Variants in ISCA1 observed in about 807,000 individuals in gnomAD.
ISCA1 encodes the protein iron-sulfur cluster assembly 1 homolog, mitochondrial.
In ISCA1, 9 loss-of-function variants were observed where a neutral mutation model predicts 14.7. The observed-to-expected ratio is 0.61, with a 90% CI of 0.37 to 1.07. The LOEUF (loss-of-function observed/expected upper bound fraction) is 1.07, where lower values mean the gene tolerates loss of function less well. Ranked by LOEUF, ISCA1 falls within the 50% of genes least tolerant of loss-of-function variation. The pLI, the probability that ISCA1 is intolerant of heterozygous loss-of-function variation, is 0.01. For synonymous variants in ISCA1, 38 were observed against 54.3 expected (o/e 0.70, Z 1.32); for missense variants, 102 against 150.1 (o/e 0.68, Z 1.67).
At chr9:86,275,006 G>A (rs772396175) in intron 1 of ISCA1, among the ~76,000 whole-genome samples, 1 of 152,106 alleles carries the variant, frequency 6.6e-6, no homozygotes, top group Admixed American at 6.6e-5. Flanking sequence ...CACTTCTTTG[G>A]GAAGGAGACT....
intron 3 of ISCA1, among the ~76,000 whole-genome samples, chr9:86,268,225 G>A (rs1278530268): frequency 1.3e-5 from 2 of 152,206 alleles, no homozygotes; most frequent in South Asian, 2.1e-4. Flanking sequence ...GCCCCTGACG[G>A]CCTTCCAATG....
chr9:86,274,017 T>C (rs1041200315), intron 2 of ISCA1, among the ~76,000 whole-genome samples, 172 bp downstream of exon 2: 7 of 152,244 alleles, frequency 4.6e-5, no homozygotes, highest in African/African-American at 1.4e-4. Flanking sequence ...AAAGAATGAC[T>C]TCCTTTTAGT....
intron 1 of ISCA1, among the ~76,000 whole-genome samples, chr9:86,276,896 A>AAT (rs1825444855): frequency 6.8e-6 from 1 of 147,184 alleles, no homozygotes; most frequent in Non-Finnish European, 1.5e-5. Flanking sequence ...AAAAAAAAAA[A>AAT]GGCATAGCCA....
chr9:86,282,290 G>C, intron 1 of ISCA1, 88 bp downstream of exon 1: 1 of 1,396,302 alleles, frequency 7.2e-7, no homozygotes, highest in Non-Finnish European at 9.6e-7. Context: ...GCGTCCCTGC[G>C]GCCCCACTCC....
intron 1 of ISCA1, among the ~76,000 whole-genome samples, chr9:86,275,943 T>A (rs1282012398): frequency 6.6e-6 from 1 of 152,222 alleles, no homozygotes; most frequent in East Asian, 1.9e-4. Flanking sequence ...TGGTCCCAAA[T>A]GTTTTTGGCA....
intron 3 of ISCA1, among the ~76,000 whole-genome samples, chr9:86,266,499 A>G (rs1825294309): frequency 6.6e-6 from 1 of 152,190 alleles, no homozygotes; most frequent in Non-Finnish European, 1.5e-5. Context: ...TGCAACATGA[A>G]GAAAATGTAT....
At chr9:86,277,112 T>TA (rs1231419298) in intron 1 of ISCA1, among the ~76,000 whole-genome samples, 1 of 152,174 alleles carries the variant, frequency 6.6e-6, no homozygotes, top group Non-Finnish European at 1.5e-5. Flanking sequence ...CAAAGTCATC[T>TA]ATTTTCTTAT....
chr9:86,266,005 G>C lies in ISCA1; in HGVS notation c.*38C>G. The C allele has an allele frequency of 6.2e-7, 1 of 1,611,708 alleles. No individual in the cohort carries two copies. The highest frequency in any genetic ancestry group is 1.1e-5 in the South Asian group (1 of 90,954). Reference sequence around the variant, plus strand: ...GCAGTGAGCCCCAAAGCTTCCACGAGCTTTCCTGGAACCTACGGCCAGAAG... The same window carrying C: ...GCAGTGAGCCCCAAAGCTTCCACGACCTTTCCTGGAACCTACGGCCAGAAG... On this transcript the variant is annotated 3_prime_UTR_variant, in exon 4 of 4. Coordinates refer to ENST00000375991, the MANE Select transcript of ISCA1 (RefSeq NM_030940.4).
At chr9:86,273,726 G>C (rs1825403620) in intron 2 of ISCA1, among the ~76,000 whole-genome samples, 1 of 152,136 alleles carries the variant, frequency 6.6e-6, no homozygotes, top group Non-Finnish European at 1.5e-5. Context: ...AACTGCTGGT[G>C]AAATAGTACT....
intron 3 of ISCA1, chr9:86,267,542 G>A: frequency 2.1e-6 from 2 of 964,952 alleles, no homozygotes; most frequent in Non-Finnish European, 2.5e-6. Context: ...ACAGATTATA[G>A]GGTGGAAGAA....
At position 86,264,565 on chromosome 9, in the gene ISCA1, C is replaced by A. The variant is rs1205414375; in HGVS notation, c.*1478G>T. 1 of 152,328 alleles carries A rather than the reference C, an allele frequency of 6.6e-6. No homozygotes were observed. The highest frequency in any genetic ancestry group is 1.5e-5 in the Non-Finnish European group (1 of 68,032). 9.4% of individuals were successfully genotyped at this position (152,328 alleles called of 1,614,324 possible). A position where few individuals can be genotyped will look rare whatever the true frequency, so the allele number is the denominator to read the frequency against. On this transcript the variant is annotated 3_prime_UTR_variant, in exon 4 of 4. Transcript: ENST00000375991. ...AGGCAATTTTATGATCACAAAGAGG[C>A]CACATTTTTTTTAATTGACAACTCA...
At chr9:86,278,751 C>T (rs1825472485) in intron 1 of ISCA1, among the ~76,000 whole-genome samples, 1 of 152,114 alleles carries the variant, frequency 6.6e-6, no homozygotes. Context: ...ATTATTTTTT[C>T]ATTTGATACA....
intron 1 of ISCA1, among the ~76,000 whole-genome samples, chr9:86,280,213 A>G (rs1825492727): frequency 6.6e-6 from 1 of 152,152 alleles, no homozygotes; most frequent in Admixed American, 6.5e-5. Flanking sequence ...TAACTCATTC[A>G]TTTGTCTTGA....
chr9:86,278,229 G>A (rs1374130650), intron 1 of ISCA1, among the ~76,000 whole-genome samples: 2 of 152,046 alleles, frequency 1.3e-5, no homozygotes, highest in Non-Finnish European at 2.9e-5. Flanking sequence ...AACAAGTACA[G>A]TGTATTTTAT....
chr9:86,280,594 C>CAGAA (rs765329285), intron 1 of ISCA1, among the ~76,000 whole-genome samples: 1 of 97,882 alleles, frequency 1.0e-5, no homozygotes, highest in Non-Finnish European at 2.1e-5. Context: ...AACCCTGTCT[C>CAGAA]AAAAAAAAAA....
rs1825279432 is a variant in ISCA1 at position 86,265,179 on chromosome 9, AAAG to A, written c.*861_*863del. The A allele has an allele frequency of 6.6e-6, 1 of 152,254 alleles. No homozygotes were observed. The highest frequency in any genetic ancestry group is 2.4e-5 in the African/African-American group (1 of 41,472). 9.4% of individuals were successfully genotyped at this position (152,254 alleles called of 1,614,324 possible). A position where few individuals can be genotyped will look rare whatever the true frequency, so the allele number is the denominator to read the frequency against. ...AATTCTATCAAAATGTTGACCACATAAAGAAGTCAGACCATTTGCCTTCGCTGA... is the reference window on the plus strand; with the variant it reads ...AATTCTATCAAAATGTTGACCACATAAAGTCAGACCATTTGCCTTCGCTGA... On this transcript the variant is annotated 3_prime_UTR_variant, in exon 4 of 4. Coordinates refer to ENST00000375991, the MANE Select transcript of ISCA1 (RefSeq NM_030940.4).
chr9:86,277,225 G>A (rs919436296), intron 1 of ISCA1, among the ~76,000 whole-genome samples: 16 of 152,170 alleles, frequency 1.1e-4, no homozygotes, highest in African/African-American at 3.6e-4. Context: ...ATCTCATACT[G>A]AAGGACTCTT....
intron 3 of ISCA1, 140 bp from the exon 4 acceptor site, chr9:86,266,331 A>G: frequency 7.5e-7 from 1 of 1,336,236 alleles, no homozygotes; most frequent in Non-Finnish European, 1.0e-6. Flanking sequence ...TATTTCCTTA[A>G]GGAATTAAGC....
intron 3 of ISCA1, among the ~76,000 whole-genome samples, chr9:86,270,456 AG>A (rs1290761336): frequency 1.3e-5 from 2 of 150,242 alleles, no homozygotes; most frequent in Non-Finnish European, 3.0e-5. Flanking sequence ...GGTGCTGGAG[AG>A]GATGTGGAGA....
Sources: gnomAD v4.1 joint callset for allele counts (sites outside exome capture counted in the v4.1 genomes callset) on GRCh38, gnomAD v4.1.1 for gene constraint, MANE v1.5 for transcripts, NCBI Gene and HGNC (gene_info 2026-07-23, HGNC 2026-07-21) for gene names.